The following ALDH1L1 variants were observed in gnomAD, a reference collection of about 807,000 sequenced individuals.
ALDH1L1 encodes aldehyde dehydrogenase 1 family member L1.
A neutral mutation model predicts 101.1 loss-of-function variants in ALDH1L1; 68 were observed. The observed-to-expected ratio is 0.67, with a 90% CI of 0.55 to 0.82. The LOEUF (loss-of-function observed/expected upper bound fraction) is 0.82, where lower values mean the gene tolerates loss of function less well. ALDH1L1 is among the 40% of genes least tolerant of loss of function. The pLI is 0.00. For synonymous variants in ALDH1L1, 486 were observed against 470.8 expected, an observed-to-expected ratio of 1.03 and a Z score of -0.42; for missense variants, 1,087 against 1,172.7, an observed-to-expected ratio of 0.93 and a Z score of 1.07.
intron 13 of ALDH1L1, 70 bp from the exon 14 acceptor site, chr3:126,130,363 C>G: frequency 7.2e-7 from 1 of 1,394,328 alleles, no homozygotes; most frequent in Admixed American, 2.4e-5. Flanking sequence ...GGCAGCAAGT[C>G]TCCACCAGGG....
intron 8 of ALDH1L1, among the ~76,000 whole-genome samples, chr3:126,148,896 T>C (rs1209013102): frequency 6.6e-6 from 1 of 152,200 alleles, no homozygotes; most frequent in Admixed American, 6.5e-5. Context: ...ACATGTACTC[T>C]AGGTTCCCCT....
chr3:126,116,925 G>C (rs2079981949), intron 17 of ALDH1L1, among the ~76,000 whole-genome samples: 1 of 152,190 alleles, frequency 6.6e-6, no homozygotes, highest in Non-Finnish European at 1.5e-5. Context: ...AAAGTCCAAG[G>C]ATGAAGACAT....
At chr3:126,121,499 T>C (rs1425519734) in intron 16 of ALDH1L1, among the ~76,000 whole-genome samples, 2 of 151,822 alleles carry the variant, frequency 1.3e-5, no homozygotes, top group Non-Finnish European at 2.9e-5. Flanking sequence ...TATTTAAGAG[T>C]AATAAAAACA....
intron 6 of ALDH1L1, among the ~76,000 whole-genome samples, chr3:126,154,112 C>T (rs114886221): frequency 0.011 from 1,611 of 152,238 alleles, 32 homozygotes; most frequent in African/African-American, 0.035. Flanking sequence ...CACACAGTCC[C>T]GCCACCCCTG....
intron 1 of ALDH1L1, among the ~76,000 whole-genome samples, chr3:126,162,357 C>A (rs1045999830): frequency 1.3e-5 from 2 of 152,160 alleles, no homozygotes; most frequent in African/African-American, 2.4e-5. Context: ...TTCATTTTAG[C>A]GCTTTTCCTA....
chr3:126,111,848 T>A (rs2108184375), intron 19 of ALDH1L1, among the ~76,000 whole-genome samples: 1 of 152,320 alleles, frequency 6.6e-6, no homozygotes, highest in South Asian at 2.1e-4. Flanking sequence ...GGCGGTGCTC[T>A]TCGCGGAAGC....
chr3:126,136,407 G>A (rs1205083502), intron 11 of ALDH1L1, among the ~76,000 whole-genome samples: 2 of 152,100 alleles, frequency 1.3e-5, no homozygotes, highest in Non-Finnish European at 2.9e-5. Context: ...ATGTCCTAAC[G>A]GTGGAGGGCT....
At chr3:126,109,470 G>A (rs906212244) in intron 20 of ALDH1L1, among the ~76,000 whole-genome samples, 2 of 152,116 alleles carry the variant, frequency 1.3e-5, no homozygotes, top group East Asian at 1.9e-4. Flanking sequence ...GTGGAGCCTG[G>A]AGGCCTGTAT....
At chr3:126,185,893 A>T (rs1248243884), upstream of ALDH1L1, among the ~76,000 whole-genome samples, 3 of 152,220 alleles carry the variant, frequency 2.0e-5, no homozygotes, top group Non-Finnish European at 2.9e-5. Flanking sequence ...ACATTACAAC[A>T]TGGAGGAATC....
chr3:126,145,353 G>A (rs572193188), intron 9 of ALDH1L1, among the ~76,000 whole-genome samples: 10 of 152,322 alleles, frequency 6.6e-5, no homozygotes, highest in African/African-American at 2.4e-4. Context: ...TAATCTCACT[G>A]CTGGGTATTT....
In ALDH1L1 at chr3:126,109,420, T is replaced by G. The variant is rs949264238; in HGVS notation, c.2347+524A>C. On this transcript the variant is annotated intron_variant, in intron 20 of 22. Coordinates refer to ENST00000393434, the MANE Select transcript of ALDH1L1 (RefSeq NM_012190.4). ...CCTGGGGGACATCCAGGTGGAAGTGTCCAGTGCCGCTGGCTGTGCGGTCAG... is the reference window on the plus strand; with the variant it reads ...CCTGGGGGACATCCAGGTGGAAGTGGCCAGTGCCGCTGGCTGTGCGGTCAG... Among the ~76,000 whole-genome samples, 17 of 152,036 alleles carry G rather than the reference T, an allele frequency of 1.1e-4. 1 individual carries two copies. The highest frequency in any genetic ancestry group is 4.1e-4 in the African/African-American group (17 of 41,372).
At chr3:126,126,284 C>T (rs956419641) in intron 14 of ALDH1L1, among the ~76,000 whole-genome samples, 9 of 152,158 alleles carry the variant, frequency 5.9e-5, no homozygotes, top group Non-Finnish European at 8.8e-5. Context: ...CTCAGAGCAC[C>T]GTGGGCACTG....
At chr3:126,185,262 C>A (rs989986450), upstream of ALDH1L1, among the ~76,000 whole-genome samples, 1 of 152,188 alleles carries the variant, frequency 6.6e-6, no homozygotes, top group South Asian at 2.1e-4. Flanking sequence ...GTTTGCACCC[C>A]CATGCAAACT....
At chr3:126,110,439 T>C (rs1187913280) in intron 19 of ALDH1L1, among the ~76,000 whole-genome samples, 2 of 152,184 alleles carry the variant, frequency 1.3e-5, no homozygotes, top group Non-Finnish European at 2.9e-5. Flanking sequence ...TATCTGACTC[T>C]GGTCCTGCAC....
chr3:126,191,240 T>A (rs1368579946), intron 1 of ALDH1L1, among the ~76,000 whole-genome samples: 1 of 152,192 alleles, frequency 6.6e-6, no homozygotes, highest in Non-Finnish European at 1.5e-5. Context: ...TTGACTGGAA[T>A]TTAATAAATT....
intron 21 of ALDH1L1, 130 bp downstream of exon 21, chr3:126,107,011 G>A: frequency 6.3e-6 from 5 of 799,492 alleles, no homozygotes; most frequent in East Asian, 2.5e-5. Context: ...CAAGCGGGGT[G>A]TCCACGGCTT....
chr3:126,194,981 C>T (rs1035208150), intron 1 of ALDH1L1, among the ~76,000 whole-genome samples: 5 of 152,038 alleles, frequency 3.3e-5, no homozygotes, highest in Non-Finnish European at 5.9e-5. Context: ...TCCTAAACAT[C>T]CCTCTTTTTA....
chr3:126,188,409 C>T (rs1049290371), intron 1 of ALDH1L1, among the ~76,000 whole-genome samples: 1 of 152,186 alleles, frequency 6.6e-6, no homozygotes, highest in Non-Finnish European at 1.5e-5. Context: ...GTCCTGGAAC[C>T]AATGCCTTGC....
upstream of ALDH1L1, chr3:126,180,980 A>G (rs376298072): frequency 5.0e-5 from 81 of 1,610,310 alleles, no homozygotes; most frequent in Non-Finnish European, 6.3e-5. Flanking sequence ...TGCTACGGAC[A>G]CAGCAGAGCG....
Sources: gnomAD v4.1 joint callset for allele counts (sites outside exome capture counted in the v4.1 genomes callset) on GRCh38, gnomAD v4.1.1 for gene constraint, MANE v1.5 for transcripts, NCBI Gene and HGNC (gene_info 2026-07-23, HGNC 2026-07-21) for gene names.